The following ASXL3 variants were observed in gnomAD, a reference collection of about 807,000 sequenced individuals.
ASXL3 encodes putative Polycomb group protein ASXL3.
In ASXL3, 34 loss-of-function variants were observed where a neutral mutation model predicts 170.6. The observed-to-expected ratio is 0.20, with a 90% confidence interval of 0.15 to 0.27. ASXL3 has a LOEUF of 0.27. Among genes scored for constraint, ASXL3 ranks in the 10% least tolerant of loss-of-function variants. The pLI, the probability that ASXL3 is intolerant of heterozygous loss-of-function variation, is 1.00. For missense variants in ASXL3, 2,592 were observed against 2,695.3 expected (o/e 0.96, Z 0.85); for synonymous variants, 1,002 against 989.1 (o/e 1.01, Z -0.24).
At chr18:33,618,093 T>G (rs1441095165) in intron 2 of ASXL3, among the ~76,000 whole-genome samples, 2 of 152,178 alleles carry the variant, frequency 1.3e-5, no homozygotes, top group Non-Finnish European at 2.9e-5. Flanking sequence ...TATAGTTGAT[T>G]TGTTTTCAGA....
chr18:33,665,906 C>T (rs879314162), intron 5 of ASXL3, among the ~76,000 whole-genome samples: 18 of 152,054 alleles, frequency 1.2e-4, no homozygotes, highest in South Asian at 2.1e-4. Context: ...TCCTAGACTG[C>T]ATTAGCTATG....
chr18:33,741,936 G>A lies in ASXL3; in HGVS notation c.3040-952G>A, dbSNP rs927102239. Among the ~76,000 whole-genome samples, 6 of 152,204 alleles carry A rather than the reference G, an allele frequency of 3.9e-5. 1 individual carries two copies. The highest frequency in any genetic ancestry group is 7.3e-5 in the Non-Finnish European group (5 of 68,034). ...ACTAGAGCAACACAGCCTTGCTATG[G>A]AATGCTGGCTGTTAGACCTTGTGCC... On this transcript the variant is annotated intron_variant, in intron 11 of 11. Transcript: ENST00000269197.
chr18:33,609,420 T>G (rs2065300452), intron 2 of ASXL3, among the ~76,000 whole-genome samples: 1 of 152,000 alleles, frequency 6.6e-6, no homozygotes, highest in Admixed American at 6.6e-5. Context: ...TCTGCTGTTA[T>G]CAGTTGTTAT....
chr18:33,627,698 A>C (rs977043813), intron 2 of ASXL3, among the ~76,000 whole-genome samples: 5 of 152,084 alleles, frequency 3.3e-5, no homozygotes, highest in Non-Finnish European at 5.9e-5. Context: ...CTGCTTTCCT[A>C]AGAATCAAAT....
intron 8 of ASXL3, among the ~76,000 whole-genome samples, chr18:33,724,791 A>G (rs533939007): frequency 2.0e-5 from 3 of 152,230 alleles, no homozygotes; most frequent in Admixed American, 2.0e-4. Context: ...CTATTTTGCA[A>G]AACACAATTT....
intron 1 of ASXL3, among the ~76,000 whole-genome samples, chr18:33,588,813 A>C (rs2065054707): frequency 6.6e-6 from 1 of 152,076 alleles, no homozygotes; most frequent in Non-Finnish European, 1.5e-5. Context: ...TGAATGCCTT[A>C]TCTCTTTCCC....
intron 2 of ASXL3, among the ~76,000 whole-genome samples, chr18:33,623,773 AGT>A (rs2065554892): frequency 6.6e-6 from 1 of 152,166 alleles, no homozygotes; most frequent in South Asian, 2.1e-4. Context: ...AAGGGAGTCT[AGT>A]TAGTGTTCTT....
intron 7 of ASXL3, 89 bp from the exon 8 acceptor site, chr18:33,683,316 C>G (rs1355642872): frequency 8.8e-6 from 10 of 1,133,162 alleles, no homozygotes; most frequent in Admixed American, 6.3e-5. Flanking sequence ...TACATGTTCA[C>G]TAGATATATG....
In ASXL3 at chr18:33,749,654, T is replaced by G. The variant is rs1393654760; in HGVS notation, c.*3059T>G. On this transcript the variant is annotated 3_prime_UTR_variant, in exon 12 of 12. Coordinates refer to ENST00000269197, the MANE Select transcript of ASXL3 (RefSeq NM_030632.3). ...GAAAATAATTTTTTCTTCCCCAAAA[T>G]GAGAATAGTAGAAATTTTGGTGAAC... is the stretch of plus-strand genomic sequence containing the variant. The G allele has an allele frequency of 6.6e-6, 1 of 151,996 alleles. No individual in the cohort carries two copies. Among genetic ancestry groups the G allele is most frequent in the Non-Finnish European group, 1.5e-5 (1 of 67,980 alleles). 9.4% of individuals were successfully genotyped at this position (151,996 alleles called of 1,614,324 possible). A position where few individuals can be genotyped will look rare whatever the true frequency, so the allele number is the denominator to read the frequency against.
At chr18:33,604,814 A>G (rs938398151) in intron 1 of ASXL3, among the ~76,000 whole-genome samples, 2 of 151,996 alleles carry the variant, frequency 1.3e-5, no homozygotes, top group East Asian at 3.9e-4. Flanking sequence ...TTGCCCTACT[A>G]CTAACATATG....
intron 8 of ASXL3, among the ~76,000 whole-genome samples, chr18:33,701,883 C>T (rs990393799): frequency 1.3e-5 from 2 of 152,010 alleles, no homozygotes; most frequent in African/African-American, 4.8e-5. Flanking sequence ...GATGTCTGTT[C>T]CTTATTTAAA....
In ASXL3 at chr18:33,746,847, A is replaced by G. The variant is rs2067803413; in HGVS notation, c.*252A>G. The G allele has an allele frequency of 2.1e-6, 1 of 484,280 alleles. No homozygotes were observed. Among genetic ancestry groups the G allele is most frequent in the Non-Finnish European group, 3.4e-6 (1 of 295,362 alleles). 30.0% of individuals were successfully genotyped at this position (484,280 alleles called of 1,614,324 possible). ...AGCTTTGGAAAGTTTCTATCTGTCC[A>G]TGTGTATACAAGTCAATGCCCCATT... is the stretch of plus-strand genomic sequence containing the variant. On this transcript the variant is annotated 3_prime_UTR_variant, in exon 12 of 12. Transcript: ENST00000269197.
At chr18:33,709,844 T>A (rs900373564) in intron 8 of ASXL3, among the ~76,000 whole-genome samples, 15 of 152,372 alleles carry the variant, frequency 9.8e-5, no homozygotes, top group Admixed American at 7.2e-4. Context: ...CAGTCTGTTC[T>A]GTCACACATG....
chr18:33,607,545 T>G (rs2065268411), intron 1 of ASXL3, 49 bp from the exon 2 acceptor site: 1 of 1,398,898 alleles, frequency 7.1e-7, no homozygotes, highest in Non-Finnish European at 9.9e-7. Context: ...ACATTTTCAT[T>G]TTGTATGCTG....
chr18:33,745,210 G>C lies in ASXL3; in HGVS notation c.5362G>C (p.Gly1788Arg), dbSNP rs773380354. 6.2e-7 allele frequency: 1 copy of C among 1,613,958 alleles called. No homozygotes were observed. Among genetic ancestry groups the C allele is most frequent in the Non-Finnish European group, 8.5e-7 (1 of 1,179,870 alleles). ...LPLPLQTTSV[G>R]KTAPERNVEI... The stretch of plus-strand genomic sequence containing the variant: ...ATTGCCTCTTCAAACTACCTCAGTG[G>C]GTAAAACAGCACCAGAGAGAAACGT... The change falls in exon 12 of 12, where the codon GGT becomes CGT. Residue 1788 changes from glycine (G) to arginine (R), a missense_variant. Gly to Arg is a moderately radical substitution (Grantham distance 125, BLOSUM62 -2). Around this residue, in one of 4 missense-constraint regions of ASXL3, gnomAD observed 2,246 missense variants for 2,219.6 expected, o/e 1.01. Coordinates refer to ENST00000269197, the MANE Select transcript of ASXL3 (RefSeq NM_030632.3).
At chr18:33,674,840 G>C (rs987364545) in intron 7 of ASXL3, among the ~76,000 whole-genome samples, 1 of 151,924 alleles carries the variant, frequency 6.6e-6, no homozygotes, top group Non-Finnish European at 1.5e-5. Flanking sequence ...GGATGGTCTC[G>C]ATCTCCTGAC....
intron 4 of ASXL3, among the ~76,000 whole-genome samples, chr18:33,661,173 G>A (rs1383844949): frequency 6.6e-6 from 1 of 152,110 alleles, no homozygotes; most frequent in Non-Finnish European, 1.5e-5. Flanking sequence ...TAGTAAGGCT[G>A]TTAAGTAGAA....
At chr18:33,581,336 A>G (rs545489236) in intron 1 of ASXL3, among the ~76,000 whole-genome samples, 2 of 152,266 alleles carry the variant, frequency 1.3e-5, no homozygotes, top group South Asian at 4.1e-4. Context: ...GTAAAGATTC[A>G]GGATGGATAG....
intron 2 of ASXL3, among the ~76,000 whole-genome samples, chr18:33,628,963 T>C (rs761182507): frequency 6.6e-6 from 1 of 152,170 alleles, no homozygotes; most frequent in Non-Finnish European, 1.5e-5. Context: ...AATAGATTTA[T>C]TTCAGGTGTA....
Sources: gnomAD v4.1 joint callset for allele counts (sites outside exome capture counted in the v4.1 genomes callset) on GRCh38, gnomAD v4.1.1 for gene constraint, gnomAD v4.1.1 regional missense constraint, MANE v1.5 for transcripts, NCBI Gene and HGNC (gene_info 2026-07-23, HGNC 2026-07-21) for gene names.